Variants in MAST4 observed in about 807,000 individuals in gnomAD.
MAST4 encodes microtubule associated serine/threonine kinase family member 4.
In MAST4, 89 loss-of-function variants were observed where a neutral mutation model predicts 162.7. That is an observed-to-expected ratio of 0.55 (90% CI 0.46 to 0.65). The LOEUF (loss-of-function observed/expected upper bound fraction) is 0.65, where lower values mean the gene tolerates loss of function less well. Ranked by LOEUF, MAST4 falls within the 30% of genes least tolerant of loss-of-function variation. The pLI, the probability that MAST4 is intolerant of heterozygous loss-of-function variation, is 0.00. For synonymous variants in MAST4, 1,479 were observed against 1,361.1 expected (o/e 1.09, Z -1.91); for missense variants, 3,153 against 3,374.0 (o/e 0.93, Z 1.62).
intron 4 of MAST4, among the ~76,000 whole-genome samples, chr5:66,909,770 C>A (rs1003268219): frequency 1.3e-5 from 2 of 152,168 alleles, no homozygotes; most frequent in Non-Finnish European, 2.9e-5. Flanking sequence ...AAAATCCCCA[C>A]GTCAAAGGTA....
intron 9 of MAST4, among the ~76,000 whole-genome samples, chr5:67,103,769 A>G (rs1399231956): frequency 6.6e-6 from 1 of 152,228 alleles, no homozygotes; most frequent in Non-Finnish European, 1.5e-5. Context: ...TAGGTTGTGG[A>G]ACTCTAGCAA....
chr5:67,024,478 G>GATATATACATATATGT (rs1554082956), intron 4 of MAST4, among the ~76,000 whole-genome samples: 2 of 150,600 alleles, frequency 1.3e-5, no homozygotes, highest in African/African-American at 4.9e-5. Context: ...TGTATATATA[G>GATATATACATATATGT]ATATATACAT....
chr5:66,837,558 C>T (rs1311905771), intron 3 of MAST4, among the ~76,000 whole-genome samples: 1 of 151,996 alleles, frequency 6.6e-6, no homozygotes, highest in African/African-American at 2.4e-5. Flanking sequence ...GATAAATCAA[C>T]TTTAATTTGG....
chr5:66,836,051 G>A (rs1757945274), intron 3 of MAST4, among the ~76,000 whole-genome samples: 1 of 152,062 alleles, frequency 6.6e-6, no homozygotes, highest in Non-Finnish European at 1.5e-5. Context: ...TGCACCTGTA[G>A]TCCCAAGTAC....
chr5:67,092,278 C>G (rs1383386596), intron 6 of MAST4, among the ~76,000 whole-genome samples: 3 of 152,144 alleles, frequency 2.0e-5, no homozygotes, highest in African/African-American at 7.2e-5. Flanking sequence ...CTTTTCTGAC[C>G]TTTCTTACCT....
chr5:66,820,474 A>C, intron 3 of MAST4, among the ~76,000 whole-genome samples: 1 of 152,228 alleles, frequency 6.6e-6, no homozygotes, highest in South Asian at 2.1e-4. Flanking sequence ...GGACTTTGCT[A>C]AATATTAGTT....
intron 3 of MAST4, among the ~76,000 whole-genome samples, chr5:66,876,611 C>T (rs1257495953): frequency 2.0e-5 from 3 of 152,120 alleles, no homozygotes; most frequent in African/African-American, 2.4e-5. Flanking sequence ...TATAATTAGA[C>T]GATCTGTTGA....
chr5:67,067,298 A>C (rs116469661), intron 5 of MAST4, among the ~76,000 whole-genome samples: 1 of 152,206 alleles, frequency 6.6e-6, no homozygotes, highest in Non-Finnish European at 1.5e-5. Flanking sequence ...CAGCAATTCT[A>C]CTTTGGGCAG....
intron 5 of MAST4, among the ~76,000 whole-genome samples, chr5:67,069,865 G>A (rs1760722248): frequency 7.0e-6 from 1 of 142,374 alleles, no homozygotes; most frequent in African/African-American, 2.7e-5. Flanking sequence ...ACGTAGTTTC[G>A]AAGGCTTTGA....
At chr5:66,659,884 G>A (rs1193791296) in intron 1 of MAST4, among the ~76,000 whole-genome samples, 4 of 152,254 alleles carry the variant, frequency 2.6e-5, no homozygotes, top group African/African-American at 9.6e-5. Context: ...ATGAGTAGGA[G>A]TTTGCTGGGT....
rs749160188 is a variant in MAST4 at position 67,165,284 on chromosome 5, A to T, written c.6105A>T (p.Ala2035=). The change falls in exon 29 of 29, where the codon GCA becomes GCT. Residue 2035 remains alanine, a synonymous_variant. Transcript: ENST00000403625. The stretch of plus-strand genomic sequence containing the variant: ...CACAGACCCAGGCCATGGAGAAAGC[A>T]TGGGCGCCGGGTGGGAAAACGAACC... ...FYTQTQAMEK[A]WAPGGKTNHK... 6.2e-7 allele frequency: 1 copy of T among 1,613,426 alleles called. No individual in the cohort carries two copies. Among genetic ancestry groups the T allele is most frequent in the South Asian group, 1.1e-5 (1 of 91,078 alleles).
chr5:66,845,110 TATATATATATATATATAC>T (rs1758735237), intron 3 of MAST4, among the ~76,000 whole-genome samples: 1 of 128,140 alleles, frequency 7.8e-6, no homozygotes, highest in African/African-American at 3.0e-5. Context: ...TATATATATA[TATATATATATATATATAC>T]ACACACACAC....
At chr5:66,928,952 G>A (rs770792060) in intron 4 of MAST4, among the ~76,000 whole-genome samples, 2 of 152,214 alleles carry the variant, frequency 1.3e-5, no homozygotes, top group Non-Finnish European at 2.9e-5. Flanking sequence ...AGAAGCATCA[G>A]CTAACCCAAA....
chr5:66,718,703 T>A (rs764924543), intron 1 of MAST4, among the ~76,000 whole-genome samples: 1 of 152,232 alleles, frequency 6.6e-6, no homozygotes, highest in South Asian at 2.1e-4. Context: ...CTGGATGTGC[T>A]CTGTTCCGGT....
At chr5:66,705,019 G>A (rs1284598290) in intron 1 of MAST4, among the ~76,000 whole-genome samples, 1 of 152,090 alleles carries the variant, frequency 6.6e-6, no homozygotes, top group Non-Finnish European at 1.5e-5. Context: ...TGAATGTTAG[G>A]TGCCCACCAA....
At chr5:66,793,937 G>C (rs1755535752) in intron 3 of MAST4, among the ~76,000 whole-genome samples, 1 of 152,192 alleles carries the variant, frequency 6.6e-6, no homozygotes, top group Non-Finnish European at 1.5e-5. Flanking sequence ...CATGAAGGCA[G>C]AGATAATTCT....
intron 7 of MAST4, among the ~76,000 whole-genome samples, chr5:67,099,763 A>C (rs1764826897): frequency 6.6e-6 from 1 of 152,060 alleles, no homozygotes; most frequent in Non-Finnish European, 1.5e-5. Flanking sequence ...GACGATTTTC[A>C]AAAAGCAAAT....
chr5:67,102,981 C>T (rs902856339), intron 9 of MAST4, among the ~76,000 whole-genome samples: 4 of 152,118 alleles, frequency 2.6e-5, no homozygotes, highest in South Asian at 2.1e-4. Flanking sequence ...TGTTTTTCTC[C>T]GTTAGAAGCC....
At chr5:66,712,613 G>T (rs984850585) in intron 1 of MAST4, among the ~76,000 whole-genome samples, 1 of 152,182 alleles carries the variant, frequency 6.6e-6, no homozygotes, top group Non-Finnish European at 1.5e-5. Flanking sequence ...TGCCAAAGTG[G>T]ATTGAACTTT....
Sources: allele counts gnomAD v4.1 joint callset (sites outside exome capture counted in the v4.1 genomes callset), GRCh38; gene constraint gnomAD v4.1.1; transcripts MANE v1.5; gene names NCBI Gene and HGNC (gene_info 2026-07-23, HGNC 2026-07-21).